Variants in ITGA11 observed in about 807,000 individuals in gnomAD.
ITGA11 encodes integrin subunit alpha 11, also known as integrin alpha-11.
ITGA11 carries 97 observed loss-of-function variants against 141.9 expected under a neutral mutation model. That is an observed-to-expected ratio of 0.68 (90% CI 0.58 to 0.81). ITGA11 has a LOEUF of 0.81. ITGA11 is among the 30% of genes least tolerant of loss of function. The pLI, the probability that ITGA11 is intolerant of heterozygous loss-of-function variation, is 0.00. For missense variants in ITGA11, 1,387 were observed against 1,559.2 expected (o/e 0.89, Z 1.86); for synonymous variants, 658 against 624.6 (o/e 1.05, Z -0.80).
At position 68,328,298 on chromosome 15, in the gene ITGA11, G is replaced by T; in HGVS notation, c.1902-36C>A. 1 of 1,598,524 alleles carries T rather than the reference G, an allele frequency of 6.3e-7. No homozygotes were observed. Among genetic ancestry groups the T allele is most frequent in the Non-Finnish European group, 8.5e-7 (1 of 1,169,678 alleles). ...AGGGCCAGTGAGCTGGGGTGGGGCAGGGGCTCAGGCTGCCCTGCTGTGACC... is the reference window on the plus strand; with the variant it reads ...AGGGCCAGTGAGCTGGGGTGGGGCATGGGCTCAGGCTGCCCTGCTGTGACC... On this transcript the variant is annotated intron_variant, in intron 15 of 29. Transcript: ENST00000315757. The surrounding 1 kb of genome is among the most constrained non-coding windows in gnomAD (Gnocchi z 4.8).
chr15:68,371,178 T>G (rs1219542498), intron 2 of ITGA11, among the ~76,000 whole-genome samples: 2 of 152,144 alleles, frequency 1.3e-5, no homozygotes, highest in African/African-American at 4.8e-5. Context: ...AGTGATTGTG[T>G]GGTCAAGGCT....
chr15:68,331,804 TCC>T (rs1219443046), intron 14 of ITGA11, 53 bp downstream of exon 14: 2 of 1,451,256 alleles, frequency 1.4e-6, no homozygotes, highest in African/African-American at 2.8e-5. Flanking sequence ...CTCCTGGGAC[TCC>T]TGGGACTCCT....
At chr15:68,389,789 G>T (rs960318497) in intron 2 of ITGA11, among the ~76,000 whole-genome samples, 27 of 152,164 alleles carry the variant, frequency 1.8e-4, no homozygotes, top group Non-Finnish European at 5.9e-5. Flanking sequence ...GAGAGCTGAG[G>T]CTTCTCTTCT....
chr15:68,336,174 A>T (rs1050790191), intron 11 of ITGA11: 11 of 353,838 alleles, frequency 3.1e-5, no homozygotes, highest in Non-Finnish European at 5.8e-5. Flanking sequence ...TGAGCACAGC[A>T]GAGGGCAATG....
intron 3 of ITGA11, among the ~76,000 whole-genome samples, chr15:68,367,177 G>C (rs1895449200): frequency 6.6e-6 from 1 of 152,124 alleles, no homozygotes; most frequent in Non-Finnish European, 1.5e-5. Flanking sequence ...ATGCTTTCCA[G>C]GGTCTCATGG....
chr15:68,338,336 C>T (rs1430786027), intron 11 of ITGA11, among the ~76,000 whole-genome samples: 2 of 152,236 alleles, frequency 1.3e-5, no homozygotes, highest in South Asian at 2.1e-4. Context: ...TAATTATCTG[C>T]GCACATGTCT....
chr15:68,360,558 T>C (rs906626645), intron 5 of ITGA11, among the ~76,000 whole-genome samples: 2 of 152,114 alleles, frequency 1.3e-5, no homozygotes, highest in African/African-American at 4.8e-5. Context: ...CCCTGGAATC[T>C]GCATTTGGTA....
intron 2 of ITGA11, among the ~76,000 whole-genome samples, chr15:68,397,501 T>C (rs1201271602): frequency 1.0e-5 from 1 of 99,290 alleles, no homozygotes; most frequent in Non-Finnish European, 1.7e-5. Flanking sequence ...TAAAATAAAA[T>C]ATTTTAAAAT....
chr15:68,342,864 C>A (rs1373020121), intron 10 of ITGA11, among the ~76,000 whole-genome samples: 1 of 152,146 alleles, frequency 6.6e-6, no homozygotes, highest in Admixed American at 6.5e-5. Context: ...AGTTATCCAG[C>A]CCAAGATGTC....
At chr15:68,363,213 G>A (rs1595878479) in intron 4 of ITGA11, among the ~76,000 whole-genome samples, 1 of 152,306 alleles carries the variant, frequency 6.6e-6, no homozygotes, top group Middle Eastern at 3.4e-3. Flanking sequence ...GGACAGATGA[G>A]TGAATCAATG....
At chr15:68,345,255 A>AC (rs1894708141) in intron 10 of ITGA11, among the ~76,000 whole-genome samples, 2 of 152,182 alleles carry the variant, frequency 1.3e-5, no homozygotes. Context: ...CTAAAGTCTG[A>AC]CCAGGGATCC....
chr15:68,325,360 GC>G lies in ITGA11; in HGVS notation c.2212-120del. On this transcript the variant is annotated intron_variant, in intron 17 of 29. Coordinates refer to ENST00000315757, the MANE Select transcript of ITGA11 (RefSeq NM_001004439.2). This position sits in a 1 kb window ranked among gnomAD's most constrained non-coding sequence, Gnocchi z 5.5. ...TTAGATGGCAGGGCAGCTGCCCTGT[GC>G]CCTCAGGGTGAGTCTGCAGGTGGAT... is the stretch of plus-strand genomic sequence containing the variant. 1 of 705,916 alleles carries G rather than the reference GC, an allele frequency of 1.4e-6. No homozygotes were observed. Among genetic ancestry groups the G allele is most frequent in the Non-Finnish European group, 2.5e-6 (1 of 392,892 alleles). The allele number at this position is 705,916 out of a possible 1,614,324, so 43.7% of individuals were successfully genotyped here. A position where few individuals can be genotyped will look rare whatever the true frequency, so the allele number is the denominator to read the frequency against.
intron 10 of ITGA11, among the ~76,000 whole-genome samples, chr15:68,341,558 T>C (rs919284567): frequency 1.3e-5 from 2 of 152,172 alleles, no homozygotes; most frequent in African/African-American, 2.4e-5. Flanking sequence ...GAAGAAAACA[T>C]CTATCTGTTT....
chr15:68,370,557 C>T (rs1895557394), intron 2 of ITGA11, among the ~76,000 whole-genome samples: 2 of 152,240 alleles, frequency 1.3e-5, no homozygotes, highest in Non-Finnish European at 2.9e-5. Flanking sequence ...ACCTGGGGCC[C>T]TCTAGGCCTT....
rs769198042 is a variant in ITGA11, at chr15:68,311,331, C to T, written c.3046G>A (p.Gly1016Ser). Reference sequence around the variant, plus strand: ...TCCCTCAGCTTCAGTAGGCGGTTGCCGCTCCTGGTGGCGATGGGAATGGTG... The same window carrying T: ...TCCCTCAGCTTCAGTAGGCGGTTGCTGCTCCTGGTGGCGATGGGAATGGTG... ...KITIPIATRS[G>S]NRLLKLRDFL... Residue 1016 changes from glycine to serine, a missense_variant, in exon 25 of 30, where the codon GGC becomes AGC. By Grantham distance (56) the Gly-to-Ser change is moderately conservative. Coordinates refer to ENST00000315757, the MANE Select transcript of ITGA11 (RefSeq NM_001004439.2). 3.4e-5 allele frequency: 53 copies of T among 1,578,626 alleles called. No homozygotes were observed. Among genetic ancestry groups the T allele is most frequent in the East Asian group, 4.6e-5 (2 of 43,204 alleles).
At chr15:68,383,710 T>C (rs1181979141) in intron 2 of ITGA11, among the ~76,000 whole-genome samples, 4 of 152,244 alleles carry the variant, frequency 2.6e-5, no homozygotes, top group African/African-American at 4.8e-5. Flanking sequence ...TATGAAGTTA[T>C]AGAAAGCCAC....
At chr15:68,361,530 C>T in intron 5 of ITGA11, 60 bp downstream of exon 5, 1 of 1,135,032 alleles carries the variant, frequency 8.8e-7, no homozygotes. Context: ...GTGCTCAGGG[C>T]CCAAGTCTCT....
rs1894263807 is a variant in ITGA11, at chr15:68,333,966, T to C, written c.1426-1488A>G. On this transcript the variant is annotated intron_variant, in intron 12 of 29. Coordinates refer to ENST00000315757, the MANE Select transcript of ITGA11 (RefSeq NM_001004439.2). This position sits in a 1 kb window ranked among gnomAD's most constrained non-coding sequence, Gnocchi z 4.2. Reference sequence around the variant, plus strand: ...CTTGCATGCACTCCCCGCCCCTGCGTCCTCCCCAGACCATCCCCTGCCATC... The same window carrying C: ...CTTGCATGCACTCCCCGCCCCTGCGCCCTCCCCAGACCATCCCCTGCCATC... Among the ~76,000 whole-genome samples the C allele has an allele frequency of 6.6e-6, 1 of 152,204 alleles. No individual in the cohort carries two copies. Among genetic ancestry groups the C allele is most frequent in the East Asian group, 1.9e-4 (1 of 5,180 alleles).
rs1383882428 is a variant in ITGA11 at position 68,325,643 on chromosome 15, C to T, written c.2212-402G>A. Among the ~76,000 whole-genome samples, 1 of 152,138 alleles carries T rather than the reference C, an allele frequency of 6.6e-6. No homozygotes were observed. Among genetic ancestry groups the T allele is most frequent in the African/African-American group, 2.4e-5 (1 of 41,436 alleles). On this transcript the variant is annotated intron_variant, in intron 17 of 29. Transcript: ENST00000315757. This position sits in a 1 kb window ranked among gnomAD's most constrained non-coding sequence, Gnocchi z 5.5. Reference sequence around the variant, plus strand: ...GCATTTGAACCATATGACTGTGTGTCACTCTTCCTTCCCAAGCAAGGAATA... The same window carrying T: ...GCATTTGAACCATATGACTGTGTGTTACTCTTCCTTCCCAAGCAAGGAATA...
Sources: gnomAD v4.1 joint callset for allele counts (sites outside exome capture counted in the v4.1 genomes callset) on GRCh38, gnomAD v4.1.1 for gene constraint, Gnocchi (gnomAD v3.1) non-coding constraint, MANE v1.5 for transcripts, NCBI Gene and HGNC (gene_info 2026-07-23, HGNC 2026-07-21) for gene names.